The following CLASRP variants were observed in gnomAD, a reference collection of about 807,000 sequenced individuals.
The protein encoded by CLASRP is CLK4-associating serine/arginine rich protein.
CLASRP carries 52 observed loss-of-function variants against 99.9 expected under a neutral mutation model. That is an observed-to-expected ratio of 0.52 (90% CI 0.42 to 0.66). The LOEUF (loss-of-function observed/expected upper bound fraction) is 0.66. Among genes scored for constraint, CLASRP ranks in the 30% least tolerant of loss-of-function variants. The pLI is 0.00. For missense variants in CLASRP, 848 were observed against 999.2 expected (o/e 0.85, Z 2.04); for synonymous variants, 379 against 373.0 (o/e 1.02, Z -0.18).
chr19:45,046,420 A>G (rs1971917669), intron 2 of CLASRP, among the ~76,000 whole-genome samples: 1 of 152,238 alleles, frequency 6.6e-6, no homozygotes, highest in Non-Finnish European at 1.5e-5. Context: ...TACGGAAATA[A>G]GAAGTAAACA....
At chr19:45,053,316 A>C in intron 5 of CLASRP, 139 bp downstream of exon 5, 1 of 749,672 alleles carries the variant, frequency 1.3e-6, no homozygotes, top group Admixed American at 2.4e-5. Flanking sequence ...TCTACGATAG[A>C]CTCACTTTGC....
intron 2 of CLASRP, among the ~76,000 whole-genome samples, chr19:45,047,297 G>T (rs1055380687): frequency 6.6e-6 from 1 of 151,434 alleles, no homozygotes; most frequent in African/African-American, 2.4e-5. Context: ...TGTATGATCC[G>T]CTGATAAGTA....
rs1015238303 is a variant in CLASRP at position 45,069,478 on chromosome 19, C to T, written c.1874+230C>T. Reference sequence around the variant, plus strand: ...CACCGCGACCTCCTCCCAGCTCTTCCAGCCTCCAAGTGCCAGTCACCTTTG... The same window carrying T: ...CACCGCGACCTCCTCCCAGCTCTTCTAGCCTCCAAGTGCCAGTCACCTTTG... On this transcript the variant is annotated intron_variant, in intron 18 of 20. Coordinates refer to ENST00000221455, the MANE Select transcript of CLASRP (RefSeq NM_007056.3). Among the ~76,000 whole-genome samples, 6 of 152,210 alleles carry T rather than the reference C, an allele frequency of 3.9e-5. 1 individual carries two copies. The highest frequency in any genetic ancestry group is 8.8e-5 in the Non-Finnish European group (6 of 68,030).
At chr19:45,059,443 G>A in intron 8 of CLASRP, 79 bp downstream of exon 8, 2 of 1,205,340 alleles carry the variant, frequency 1.7e-6, no homozygotes, top group South Asian at 1.3e-5. Flanking sequence ...GGTATTGACA[G>A]CCATCCTGTT....
chr19:45,069,324 C>G, intron 18 of CLASRP, 76 bp downstream of exon 18: 2 of 1,452,310 alleles, frequency 1.4e-6, no homozygotes, highest in Non-Finnish European at 1.9e-6. Context: ...GCTGCTGGCT[C>G]AAGCCCTGCC....
At position 45,067,246 on chromosome 19, in the gene CLASRP, G is replaced by A; in HGVS notation, c.1410-91G>A. On this transcript the variant is annotated intron_variant, in intron 13 of 20. Coordinates refer to ENST00000221455, the MANE Select transcript of CLASRP (RefSeq NM_007056.3). The surrounding 1 kb of genome is among the most constrained non-coding windows in gnomAD (Gnocchi z 4.9). ...CGAGCCTGTCACCCTGGGCCTTGCA[G>A]GAAGGAGGACTGTGGATCCGGACCC... 2 of 1,375,972 alleles carry A rather than the reference G, an allele frequency of 1.5e-6. No homozygotes were observed. Among genetic ancestry groups the A allele is most frequent in the Non-Finnish European group, 9.6e-7 (1 of 1,046,406 alleles). 85.2% of individuals were successfully genotyped at this position (1,375,972 alleles called of 1,614,324 possible). A position where few individuals can be genotyped will look rare whatever the true frequency, so the allele number is the denominator to read the frequency against.
At chr19:45,058,937 C>T (rs1331229870) in intron 7 of CLASRP, among the ~76,000 whole-genome samples, 1 of 152,120 alleles carries the variant, frequency 6.6e-6, no homozygotes, top group Non-Finnish European at 1.5e-5. Context: ...TCCTTGCCTC[C>T]ATTCCATTCA....
At chr19:45,042,704 C>T (rs977210425) in intron 2 of CLASRP, among the ~76,000 whole-genome samples, 2 of 151,934 alleles carry the variant, frequency 1.3e-5, no homozygotes, top group Non-Finnish European at 2.9e-5. Context: ...CGTCCACCCC[C>T]CAGGTTCAAG....
intron 20 of CLASRP, 80 bp from the exon 21 acceptor site, chr19:45,070,722 CG>C (rs1034973841): frequency 1.0e-4 from 135 of 1,352,858 alleles, no homozygotes; most frequent in Non-Finnish European, 1.3e-4. Context: ...ACAAGTGCCC[CG>C]ATCACTGAAG....
At chr19:45,044,832 T>G (rs1432280375) in intron 2 of CLASRP, among the ~76,000 whole-genome samples, 1 of 152,118 alleles carries the variant, frequency 6.6e-6, no homozygotes, top group African/African-American at 2.4e-5. Flanking sequence ...TGGTTAGTCC[T>G]TAGAATTTGG....
chr19:45,050,404 G>T (rs1394515008), intron 2 of CLASRP, among the ~76,000 whole-genome samples: 2 of 152,148 alleles, frequency 1.3e-5, no homozygotes, highest in Non-Finnish European at 2.9e-5. Context: ...CAAGTAGTAG[G>T]CCAGGCATAG....
intron 2 of CLASRP, 23 bp downstream of exon 2, chr19:45,040,334 G>A (rs781754330): frequency 2.6e-6 from 4 of 1,553,624 alleles, no homozygotes; most frequent in Non-Finnish European, 3.5e-6. Flanking sequence ...CCTTTTGTCT[G>A]GGGTGAGGGA....
intron 13 of CLASRP, 37 bp downstream of exon 13, chr19:45,064,667 G>C (rs1411653400): frequency 2.0e-6 from 3 of 1,510,044 alleles, no homozygotes; most frequent in Non-Finnish European, 1.8e-6. Flanking sequence ...GAGGGGCTGG[G>C]GGGGCGCGGT....
intron 16 of CLASRP, 139 bp from the exon 17 acceptor site, chr19:45,068,927 C>T: frequency 7.7e-6 from 6 of 781,980 alleles, no homozygotes; most frequent in Non-Finnish European, 1.3e-5. Context: ...GGGGCGGAGC[C>T]TGCAGTGAGC....
At chr19:45,054,565 G>C (rs541664172) in intron 5 of CLASRP, among the ~76,000 whole-genome samples, 4 of 152,156 alleles carry the variant, frequency 2.6e-5, no homozygotes, top group Non-Finnish European at 5.9e-5. Context: ...CCATGTTACA[G>C]ACAAGAATGT....
At chr19:45,054,552 A>AC (rs1157091236) in intron 5 of CLASRP, among the ~76,000 whole-genome samples, 1 of 152,024 alleles carries the variant, frequency 6.6e-6, no homozygotes, top group Non-Finnish European at 1.5e-5. Context: ...CCTGGCCATC[A>AC]CCCCATGTTA....
chr19:45,070,655 CCA>C (rs1223334701), intron 20 of CLASRP, 94 bp downstream of exon 20: 1 of 1,353,596 alleles, frequency 7.4e-7, no homozygotes, highest in East Asian at 2.3e-5. Context: ...CACCCTGTAC[CCA>C]CCTCCAGTTG....
chr19:45,069,169 C>A (rs1159143895), intron 17 of CLASRP, 33 bp from the exon 18 acceptor site: 1 of 1,613,940 alleles, frequency 6.2e-7, no homozygotes, highest in Non-Finnish European at 8.5e-7. Flanking sequence ...GGGTGCTGGC[C>A]TGGCCACGTC....
At chr19:45,062,054 G>C in intron 10 of CLASRP, 100 bp from the exon 11 acceptor site, 1 of 800,552 alleles carries the variant, frequency 1.2e-6, no homozygotes, top group South Asian at 1.5e-5. Flanking sequence ...ACTGTGCCAG[G>C]TACCTAGCTT....
Sources: allele counts gnomAD v4.1 joint callset (sites outside exome capture counted in the v4.1 genomes callset), GRCh38; gene constraint gnomAD v4.1.1; non-coding constraint Gnocchi (gnomAD v3.1); transcripts MANE v1.5; gene names NCBI Gene and HGNC (gene_info 2026-07-23, HGNC 2026-07-21).